The following SMAD1 variants were observed in gnomAD, a reference collection of about 807,000 sequenced individuals.
The protein encoded by SMAD1 is MAD, mothers against decapentaplegic homolog 1.
SMAD1 carries 6 observed loss-of-function variants against 41.6 expected under a neutral mutation model. The ratio of observed to expected loss-of-function variants is 0.14; its 90% CI spans 0.08 to 0.28. The LOEUF (loss-of-function observed/expected upper bound fraction) is 0.28, where lower values mean the gene tolerates loss of function less well. Among genes scored for constraint, SMAD1 ranks in the 10% least tolerant of loss-of-function variants. The pLI is 1.00. For synonymous variants in SMAD1, 206 were observed against 203.2 expected (o/e 1.01, Z -0.12); for missense variants, 379 against 582.6 (o/e 0.65, Z 3.60).
intron 6 of SMAD1, among the ~76,000 whole-genome samples, chr4:145,554,767 G>T (rs1732748500): frequency 6.6e-6 from 1 of 152,036 alleles, no homozygotes; most frequent in Middle Eastern, 3.2e-3. Flanking sequence ...TTAGATTTCT[G>T]AGTCAGTGAC....
intron 1 of SMAD1, among the ~76,000 whole-genome samples, chr4:145,511,394 C>T (rs1299977896): frequency 6.6e-6 from 1 of 152,140 alleles, no homozygotes; most frequent in Non-Finnish European, 1.5e-5. Flanking sequence ...TGCCTCTGCC[C>T]CCTGAGTGGC....
At chr4:145,538,967 A>G (rs1393941404) in intron 2 of SMAD1, among the ~76,000 whole-genome samples, 3 of 152,122 alleles carry the variant, frequency 2.0e-5, no homozygotes, top group African/African-American at 4.8e-5. Context: ...GACCATGCCA[A>G]TTATTAACTC....
chr4:145,527,227 CTTT>C (rs368437867), intron 2 of SMAD1, among the ~76,000 whole-genome samples: 3 of 143,526 alleles, frequency 2.1e-5, no homozygotes, highest in Non-Finnish European at 1.5e-5. Flanking sequence ...TCATTTAATT[CTTT>C]TTTTTTTTTT....
At position 145,546,491 on chromosome 4, in the gene SMAD1, GTTCTC is replaced by G; in HGVS notation, c.776-211_776-207del. The G allele has an allele frequency of 2.6e-5, 14 of 545,446 alleles. No homozygotes were observed. The South Asian group carries it at 3.3e-4, about 13-fold the overall frequency. 33.8% of individuals were successfully genotyped at this position (545,446 alleles called of 1,614,324 possible). On this transcript the variant is annotated intron_variant, in intron 4 of 6. Transcript: ENST00000302085. ...TATCTGATAGTAATTGGAGAAAATT[GTTCTC>G]CAATTTTCTCCAATTAGGAGAATAA...
intron 6 of SMAD1, among the ~76,000 whole-genome samples, chr4:145,555,959 A>G (rs1732813366): frequency 6.6e-6 from 1 of 152,182 alleles, no homozygotes; most frequent in South Asian, 2.1e-4. Flanking sequence ...CTGAATGTTA[A>G]AGAAAAGTTG....
rs573136214 is a variant in SMAD1, at chr4:145,507,175, GT to G, written c.-176-7251del. Among the ~76,000 whole-genome samples the G allele has an allele frequency of 3.0e-3, 426 of 141,584 alleles. 4 individuals are homozygous for G. Among genetic ancestry groups the G allele is most frequent in the Middle Eastern group, 7.4e-3 (2 of 272 alleles). The allele number at this position is 141,584 out of a possible 152,430, so 92.9% of individuals were successfully genotyped here. A position where few individuals can be genotyped will look rare whatever the true frequency, so the allele number is the denominator to read the frequency against. On this transcript the variant is annotated intron_variant, in intron 1 of 6. Coordinates refer to ENST00000302085, the MANE Select transcript of SMAD1 (RefSeq NM_005900.3). ...TGAGATAATGAATTGATTTTTGTGG[GT>G]TTTTTTTTTTTGTAATTAGCAAATA...
At chr4:145,529,595 G>C (rs1030878224) in intron 2 of SMAD1, among the ~76,000 whole-genome samples, 2 of 152,190 alleles carry the variant, frequency 1.3e-5, no homozygotes, top group African/African-American at 4.8e-5. Flanking sequence ...ACTGGGCCCT[G>C]TAAATTTTCT....
intron 2 of SMAD1, among the ~76,000 whole-genome samples, 178 bp downstream of exon 2, chr4:145,515,191 A>G (rs2126413441): frequency 6.8e-6 from 1 of 147,078 alleles, no homozygotes; most frequent in South Asian, 2.2e-4. Flanking sequence ...TGTGAATGCA[A>G]GAGAGAAAGC....
At chr4:145,555,266 T>C (rs951084630) in intron 6 of SMAD1, among the ~76,000 whole-genome samples, 1 of 152,246 alleles carries the variant, frequency 6.6e-6, no homozygotes, top group Non-Finnish European at 1.5e-5. Context: ...TGTTTAATTT[T>C]TGACTTAGCA....
intron 1 of SMAD1, among the ~76,000 whole-genome samples, chr4:145,511,459 A>T (rs1198782749): frequency 1.3e-5 from 2 of 152,210 alleles, no homozygotes; most frequent in African/African-American, 4.8e-5. Context: ...TTTTGTAGAG[A>T]TAGGGTCTTC....
Position 145,482,773 on chromosome 4 carries a change from C to T in SMAD1, c.-177+735C>T, listed in dbSNP as rs550060869. ...ACACCCGCTGCGTCTCCTGGTGTCTCGTTCCTTTCCCTTTACCGGAGTCGA... is the reference window on the plus strand; with the variant it reads ...ACACCCGCTGCGTCTCCTGGTGTCTTGTTCCTTTCCCTTTACCGGAGTCGA... On this transcript the variant is annotated intron_variant, in intron 1 of 6. Transcript: ENST00000302085. This position sits in a 1 kb window ranked among gnomAD's most constrained non-coding sequence, Gnocchi z 4.2. 2.0e-4 allele frequency: 31 copies of T among 152,294 alleles called. No individual in the cohort carries two copies. Among genetic ancestry groups the T allele is most frequent in the Non-Finnish European group, 2.9e-4 (20 of 68,118 alleles). The allele number at this position is 152,294 out of a possible 1,614,324, so 9.4% of individuals were successfully genotyped here.
At chr4:145,531,182 A>C (rs1163432485) in intron 2 of SMAD1, among the ~76,000 whole-genome samples, 2 of 152,228 alleles carry the variant, frequency 1.3e-5, no homozygotes, top group African/African-American at 4.8e-5. Context: ...GGTTCCAAGA[A>C]TCATTTCTTC....
intron 3 of SMAD1, among the ~76,000 whole-genome samples, chr4:145,542,285 A>G (rs547352887): frequency 1.6e-4 from 24 of 152,296 alleles, no homozygotes; most frequent in African/African-American, 5.8e-4. Context: ...TGCTTAAAAT[A>G]CTCTTCTGAT....
intron 2 of SMAD1, among the ~76,000 whole-genome samples, chr4:145,538,236 G>A (rs1392907124): frequency 5.9e-5 from 9 of 152,130 alleles, no homozygotes; most frequent in Non-Finnish European, 1.2e-4. Context: ...TTGGCATTGG[G>A]GATCCCTTAT....
intron 1 of SMAD1, among the ~76,000 whole-genome samples, chr4:145,484,008 T>TTA (rs1728339305): frequency 6.6e-6 from 1 of 152,160 alleles, no homozygotes; most frequent in South Asian, 2.1e-4. Flanking sequence ...CATTAAGGCA[T>TTA]TAAGAGGAAG....
At chr4:145,513,200 C>T (rs554168362) in intron 1 of SMAD1, 3 of 152,270 alleles carry the variant, frequency 2.0e-5, no homozygotes, top group African/African-American at 4.8e-5. Flanking sequence ...AGAGTGGTGA[C>T]GAATATTCAG....
chr4:145,514,821 T>C lies in SMAD1; in HGVS notation c.208T>C (p.Ser70Pro), dbSNP rs1162136731. 6 of 1,614,038 alleles carry C rather than the reference T, an allele frequency of 3.7e-6. No homozygotes were observed. Among genetic ancestry groups the C allele is most frequent in the Non-Finnish European group, 5.1e-6 (6 of 1,180,006 alleles). ...QPSNCVTIPR[S>P]LDGRLQVSHR... ...GAGTAACTGTGTCACCATTCCCCGCTCTCTGGATGGCAGGCTGCAAGTCTC... is the reference window on the plus strand; with the variant it reads ...GAGTAACTGTGTCACCATTCCCCGCCCTCTGGATGGCAGGCTGCAAGTCTC... The change falls in exon 2 of 7, where the codon TCT (serine) becomes CCT (proline). Residue 70 changes from serine (S) to proline (P), a missense_variant. Ser to Pro is a moderately conservative substitution (Grantham distance 74). Transcript: ENST00000302085. The surrounding 1 kb of genome is among the most constrained non-coding windows in gnomAD (Gnocchi z 4.7).
chr4:145,527,249 A>G (rs1731064620), intron 2 of SMAD1, among the ~76,000 whole-genome samples: 1 of 146,702 alleles, frequency 6.8e-6, no homozygotes, highest in African/African-American at 2.5e-5. Context: ...TTTGAGACGG[A>G]GTCTTGCTCT....
chr4:145,527,767 T>A (rs73852334), intron 2 of SMAD1, among the ~76,000 whole-genome samples: 2,219 of 152,168 alleles, frequency 0.015, 58 homozygotes, highest in African/African-American at 0.046. Flanking sequence ...GAGAATGTGA[T>A]CATATGTGCA....
Sources: allele counts gnomAD v4.1 joint callset (sites outside exome capture counted in the v4.1 genomes callset), GRCh38; gene constraint gnomAD v4.1.1; non-coding constraint Gnocchi (gnomAD v3.1); transcripts MANE v1.5; gene names NCBI Gene and HGNC (gene_info 2026-07-23, HGNC 2026-07-21).